Variants in ITPKB observed in about 807,000 individuals in gnomAD.
The protein encoded by ITPKB is inositol-trisphosphate 3-kinase B, also known as IP3 3-kinase B.
ITPKB carries 13 observed loss-of-function variants against 69.4 expected under a neutral mutation model. The ratio of observed to expected loss-of-function variants is 0.19; its 90% CI spans 0.12 to 0.30. The LOEUF is 0.30. ITPKB is among the 10% of genes least tolerant of loss of function. ITPKB has a pLI of 1.00. For missense variants in ITPKB, 1,240 were observed against 1,250.5 expected (o/e 0.99, Z 0.13); for synonymous variants, 584 against 513.7 (o/e 1.14, Z -1.85).
At chr1:226,697,693 A>G (rs3768400) in intron 2 of ITPKB, among the ~76,000 whole-genome samples, 2,104 of 152,346 alleles carry the variant, frequency 0.014, 108 homozygotes, top group Admixed American at 0.081. Context: ...GAGCTAGAGA[A>G]GGGAGGCGAT....
intron 2 of ITPKB, among the ~76,000 whole-genome samples, chr1:226,714,246 T>C (rs931007070): frequency 6.6e-6 from 1 of 152,230 alleles, no homozygotes; most frequent in Admixed American, 6.5e-5. Context: ...GTCTGGAATG[T>C]AGCTTTACAA....
At position 226,737,232 on chromosome 1, in the gene ITPKB, C is replaced by A. The variant is rs377301585; in HGVS notation, c.227G>T (p.Arg76Leu). ...ACTATTCAGCCTGCGCCGGCCGCTCCGCCAGCCCCCGGGGCTCCGGGGCTC... is the reference window on the plus strand; with the variant it reads ...ACTATTCAGCCTGCGCCGGCCGCTCAGCCAGCCCCCGGGGCTCCGGGGCTC... The part of the protein sequence containing the change: ...PEEPRSPGGW[R>L]SGRRRLNSSS... Residue 76 changes from arginine to leucine, a missense_variant, in exon 2 of 8, where the codon CGG becomes CTG. Around this residue, in one of 2 missense-constraint regions of ITPKB, gnomAD observed 992 missense variants for 853.8 expected, o/e 1.16. Transcript: ENST00000429204. The A allele has an allele frequency of 2.0e-4, 310 of 1,561,060 alleles. No individual in the cohort carries two copies. The African/African-American group carries it at 3.8e-3, about 19-fold the overall frequency.
chr1:226,711,436 AGAGAGAGT>A (rs769406368), intron 2 of ITPKB, among the ~76,000 whole-genome samples: 7,427 of 131,560 alleles, frequency 0.056, 200 homozygotes, highest in African/African-American at 0.097. Flanking sequence ...AGAGAGAGAG[AGAGAGAGT>A]GTGTGTGTGT....
At chr1:226,646,012 TTCTCTCC>T (rs1669055379) in intron 4 of ITPKB, among the ~76,000 whole-genome samples, 1 of 152,192 alleles carries the variant, frequency 6.6e-6, no homozygotes, top group African/African-American at 2.4e-5. Context: ...CTTAGCTCTC[TTCTCTCC>T]TGGCCTCTGT....
At chr1:226,678,668 C>T (rs1655981374) in intron 2 of ITPKB, among the ~76,000 whole-genome samples, 1 of 152,202 alleles carries the variant, frequency 6.6e-6, no homozygotes, top group African/African-American at 2.4e-5. Flanking sequence ...TTATTATTAT[C>T]ATTATCAGTC....
chr1:226,705,490 T>C (rs1023218520), intron 2 of ITPKB, among the ~76,000 whole-genome samples: 8 of 150,454 alleles, frequency 5.3e-5, no homozygotes, highest in African/African-American at 2.0e-4. Flanking sequence ...GATCGCACCA[T>C]TGCATTCCAG....
At chr1:226,654,528 C>T (rs1669251861) in intron 2 of ITPKB, among the ~76,000 whole-genome samples, 1 of 152,200 alleles carries the variant, frequency 6.6e-6, no homozygotes, top group Non-Finnish European at 1.5e-5. Context: ...ACAGAATGAT[C>T]TCCTCCTGCT....
chr1:226,637,808 A>G lies in ITPKB; in HGVS notation c.2554-58T>C, dbSNP rs1668870540. 4 of 1,318,646 alleles carry G rather than the reference A, an allele frequency of 3.0e-6. No homozygotes were observed. The highest frequency in any genetic ancestry group is 2.9e-5 in the African/African-American group (2 of 69,166). 81.7% of individuals were successfully genotyped at this position (1,318,646 alleles called of 1,614,324 possible). The stretch of plus-strand genomic sequence containing the variant: ...GCCGCGTGGGGAAGGGCAGTGTCAG[A>G]ACACCCATGCGGCCTCTAGTGGTCC... On this transcript the variant is annotated intron_variant, in intron 6 of 7. Coordinates refer to ENST00000429204, the MANE Select transcript of ITPKB (RefSeq NM_002221.4). This position sits in a 1 kb window ranked among gnomAD's most constrained non-coding sequence, Gnocchi z 4.3.
chr1:226,707,821 G>A, intron 2 of ITPKB: 1 of 1,160,764 alleles, frequency 8.6e-7, no homozygotes, highest in Non-Finnish European at 1.1e-6. Flanking sequence ...TCTTTCCAGA[G>A]AGTAGTGTAG....
chr1:226,702,672 G>A (rs966444002), intron 2 of ITPKB, among the ~76,000 whole-genome samples: 1 of 152,234 alleles, frequency 6.6e-6, no homozygotes, highest in East Asian at 1.9e-4. Context: ...CTCTTTATTC[G>A]GCAGATGGTA....
intron 2 of ITPKB, among the ~76,000 whole-genome samples, chr1:226,660,216 G>A (rs1380129492): frequency 6.6e-6 from 1 of 152,220 alleles, no homozygotes; most frequent in Non-Finnish European, 1.5e-5. Flanking sequence ...AATCTGTGAT[G>A]CCCTTGCTGG....
chr1:226,725,926 A>G (rs1335886794), intron 2 of ITPKB, among the ~76,000 whole-genome samples: 1 of 152,204 alleles, frequency 6.6e-6, no homozygotes, highest in South Asian at 2.1e-4. Flanking sequence ...CTTTTAACAT[A>G]GTCCTTAGCA....
At chr1:226,652,999 G>A (rs530206280) in intron 2 of ITPKB, among the ~76,000 whole-genome samples, 2 of 152,188 alleles carry the variant, frequency 1.3e-5, no homozygotes, top group Non-Finnish European at 2.9e-5. Flanking sequence ...CATCTCTCGG[G>A]GAGATAGGAG....
intron 2 of ITPKB, among the ~76,000 whole-genome samples, chr1:226,698,952 G>A (rs1288878181): frequency 6.6e-6 from 1 of 152,226 alleles, no homozygotes; most frequent in East Asian, 1.9e-4. Context: ...AGTCTCACCT[G>A]GAAACTCTAC....
At chr1:226,695,102 C>T (rs981905669) in intron 2 of ITPKB, among the ~76,000 whole-genome samples, 7 of 152,106 alleles carry the variant, frequency 4.6e-5, no homozygotes, top group African/African-American at 7.2e-5. Context: ...TGGTGATGCA[C>T]GCCTGTAGTC....
chr1:226,736,168 G>T lies in ITPKB; in HGVS notation c.1291C>A (p.Pro431Thr), dbSNP rs1248519045. 2.6e-6 allele frequency: 4 copies of T among 1,552,752 alleles called. No individual in the cohort carries two copies. Among genetic ancestry groups the T allele is most frequent in the Admixed American group, 3.8e-5 (2 of 52,494 alleles). Reference protein sequence around the residue: ...VGPEEARSGAPVGGGRWQLSD... With the variant: ...VGPEEARSGATVGGGRWQLSD... Reference sequence around the variant, plus strand: ...AGCTGCCAACGCCCCCCGCCCACGGGGGCCCCACTTCGGGCCTCCTCAGGG... The same window carrying T: ...AGCTGCCAACGCCCCCCGCCCACGGTGGCCCCACTTCGGGCCTCCTCAGGG... The change falls in exon 2 of 8, where the codon CCC (proline) becomes ACC (threonine). Residue 431 changes from proline (P) to threonine (T), a missense_variant. By Grantham distance (38) the Pro-to-Thr change is conservative. This residue lies in a region of ITPKB where 992 missense variants were observed against 853.8 expected (regional missense o/e 1.16). Coordinates refer to ENST00000429204, the MANE Select transcript of ITPKB (RefSeq NM_002221.4).
chr1:226,669,736 C>T (rs1209287590), intron 2 of ITPKB, among the ~76,000 whole-genome samples: 2 of 152,050 alleles, frequency 1.3e-5, no homozygotes, highest in African/African-American at 4.8e-5. Flanking sequence ...ACAAAGAACT[C>T]AAACAAATGG....
chr1:226,652,690 C>G (rs958677782), intron 2 of ITPKB, among the ~76,000 whole-genome samples: 2 of 152,236 alleles, frequency 1.3e-5, no homozygotes, highest in African/African-American at 4.8e-5. Flanking sequence ...CTGCCCAGGG[C>G]AGAGCTGGCC....
intron 2 of ITPKB, among the ~76,000 whole-genome samples, chr1:226,704,219 G>A (rs1430238133): frequency 1.3e-5 from 2 of 152,176 alleles, no homozygotes; most frequent in East Asian, 3.8e-4. Context: ...AACATTAATA[G>A]TACAAGCACT....
Sources: gnomAD v4.1 joint callset for allele counts (sites outside exome capture counted in the v4.1 genomes callset) on GRCh38, gnomAD v4.1.1 for gene constraint, gnomAD v4.1.1 regional missense constraint, Gnocchi (gnomAD v3.1) non-coding constraint, MANE v1.5 for transcripts, NCBI Gene and HGNC (gene_info 2026-07-23, HGNC 2026-07-21) for gene names.